ETNK1: variants seen among roughly 807,000 people sequenced by gnomAD.
The protein encoded by ETNK1 is ethanolamine kinase 1.
Under a neutral mutation model 45.1 loss-of-function variants are expected in ETNK1, and 8 were observed. That is an observed-to-expected ratio of 0.18 (90% confidence interval 0.10 to 0.32). The LOEUF (loss-of-function observed/expected upper bound fraction) is 0.32, where lower values mean the gene tolerates loss of function less well. Ranked by LOEUF, ETNK1 falls within the 10% of genes least tolerant of loss-of-function variation. ETNK1 has a pLI of 1.00. For missense variants in ETNK1, 302 were observed against 430.6 expected (o/e 0.70, Z 2.64); for synonymous variants, 152 against 151.9 (o/e 1.00, Z -0.01).
chr12:22,651,798 G>A (rs1953879816), intron 2 of ETNK1, among the ~76,000 whole-genome samples: 1 of 149,474 alleles, frequency 6.7e-6, no homozygotes, highest in African/African-American at 2.5e-5. Context: ...TGATTCTCCT[G>A]CATCAGCCTC....
rs1026445075 is a variant in ETNK1 at position 22,689,912 on chromosome 12, T to G, written c.*4958T>G. 9.8e-5 allele frequency: 15 copies of G among 152,494 alleles called. No individual in the cohort carries two copies. The highest frequency in any genetic ancestry group is 3.4e-4 in the African/African-American group (14 of 41,568). 9.4% of individuals were successfully genotyped at this position (152,494 alleles called of 1,614,324 possible). On this transcript the variant is annotated 3_prime_UTR_variant, in exon 8 of 8. Transcript: ENST00000266517. ...AGGAAACTTTTTGACTGTACTGTAT[T>G]TAGGAGCCTTTGTACAGCTTGGTCA... is the stretch of plus-strand genomic sequence containing the variant.
chr12:22,672,951 T>C (rs1052884037), intron 5 of ETNK1, among the ~76,000 whole-genome samples: 2 of 152,104 alleles, frequency 1.3e-5, no homozygotes, highest in African/African-American at 4.8e-5. Flanking sequence ...AGTTGGAAAA[T>C]GTTGTTGGGA....
At chr12:22,652,360 G>C (rs184544969) in intron 2 of ETNK1, among the ~76,000 whole-genome samples, 1 of 152,198 alleles carries the variant, frequency 6.6e-6, no homozygotes, top group East Asian at 1.9e-4. Context: ...CAGTTCTTTC[G>C]GGTGAATGCC....
intron 1 of ETNK1, among the ~76,000 whole-genome samples, 178 bp from the exon 2 acceptor site, chr12:22,643,585 T>C (rs1220639299): frequency 6.6e-6 from 1 of 152,034 alleles, no homozygotes; most frequent in East Asian, 1.9e-4. Context: ...TCTCTTTGTT[T>C]AAATATAGAA....
At chr12:22,670,247 A>C (rs1389243700) in intron 4 of ETNK1, among the ~76,000 whole-genome samples, 1 of 152,198 alleles carries the variant, frequency 6.6e-6, no homozygotes, top group Non-Finnish European at 1.5e-5. Context: ...CAGTGTAACT[A>C]TGCAGGTGTT....
intron 1 of ETNK1, among the ~76,000 whole-genome samples, chr12:22,636,535 T>G (rs2137523866): frequency 6.6e-6 from 1 of 152,322 alleles, no homozygotes; most frequent in African/African-American, 2.4e-5. Flanking sequence ...AATATTTCAT[T>G]AAGGTCTATT....
chr12:22,641,576 C>T (rs949260916), intron 1 of ETNK1, among the ~76,000 whole-genome samples: 9 of 152,088 alleles, frequency 5.9e-5, no homozygotes, highest in Non-Finnish European at 2.9e-5. Flanking sequence ...AGTGCCAGGC[C>T]GTTGTTTTGC....
rs150585672 is a variant in ETNK1, at chr12:22,643,805, G to A, written c.199G>A (p.Val67Met). Residue 67 changes from valine to methionine, a missense_variant, in exon 2 of 8, where the codon GTG becomes ATG. Physicochemically the swap from Val to Met is conservative, Grantham distance 21. Coordinates refer to ENST00000266517, the MANE Select transcript of ETNK1 (RefSeq NM_018638.5). The part of the protein sequence containing the change: ...GITNKLIGCY[V>M]GNTMEDVVLV... ...CACAAATAAACTTATTGGCTGTTAC[G>A]TGGGAAACACCATGGAGGATGTAGT... The A allele has an allele frequency of 4.0e-4, 639 of 1,612,878 alleles. 5 individuals are homozygous for A. The East Asian group carries it at 0.014, about 35-fold the overall frequency.
chr12:22,676,955 G>T lies in ETNK1; in HGVS notation c.945+3295G>T, dbSNP rs139156849. Among the ~76,000 whole-genome samples, 1,480 of 152,068 alleles carry T rather than the reference G, an allele frequency of 9.7e-3. 5 individuals carry two copies. Among genetic ancestry groups the T allele is most frequent in the Admixed American group, 0.015 (236 of 15,274 alleles). ...TGCAAAAATTTTCTCCCATTCTGTG[G>T]GTTGCCTGTTCACTCTGACGATAGT... is the stretch of plus-strand genomic sequence containing the variant. On this transcript the variant is annotated intron_variant, in intron 6 of 7. Transcript: ENST00000266517.
chr12:22,638,645 G>C (rs938586800), intron 1 of ETNK1: 1 of 152,072 alleles, frequency 6.6e-6, no homozygotes, highest in Non-Finnish European at 1.5e-5. Flanking sequence ...TTCTCTAATA[G>C]AGGCTCTAGG....
At chr12:22,646,528 G>A (rs529969526) in intron 2 of ETNK1, among the ~76,000 whole-genome samples, 7 of 151,754 alleles carry the variant, frequency 4.6e-5, no homozygotes, top group African/African-American at 7.2e-5. Flanking sequence ...ACAATTTGGG[G>A]TTAGTTGTCA....
chr12:22,640,943 A>G (rs1461028502), intron 1 of ETNK1, among the ~76,000 whole-genome samples: 2 of 152,184 alleles, frequency 1.3e-5, no homozygotes, highest in Non-Finnish European at 2.9e-5. Flanking sequence ...TTTCTAGTAT[A>G]TATTTAATAT....
intron 2 of ETNK1, chr12:22,656,283 A>G: frequency 2.8e-6 from 1 of 360,756 alleles, no homozygotes; most frequent in Non-Finnish European, 3.9e-6. Flanking sequence ...GAATGACCAT[A>G]TTGCAGCATG....
At chr12:22,667,888 T>G (rs766389859) in intron 4 of ETNK1, among the ~76,000 whole-genome samples, 8 of 152,166 alleles carry the variant, frequency 5.3e-5, no homozygotes, top group Non-Finnish European at 1.0e-4. Flanking sequence ...TATACTAAGA[T>G]TTGAACAGTT....
chr12:22,661,677 T>C (rs1020657579), intron 4 of ETNK1, among the ~76,000 whole-genome samples: 4 of 152,180 alleles, frequency 2.6e-5, no homozygotes, highest in Admixed American at 2.6e-4. Flanking sequence ...TTATTGTTGA[T>C]TTGTTAGATA....
At position 22,639,311 on chromosome 12, in the gene ETNK1, G is replaced by T. The variant is rs142830393; in HGVS notation, c.157-4452G>T. Among the ~76,000 whole-genome samples the T allele has an allele frequency of 3.6e-3, 554 of 152,092 alleles. 5 individuals carry two copies. The highest frequency in any genetic ancestry group is 0.021 in the Admixed American group (327 of 15,254). Reference sequence around the variant, plus strand: ...CAAGTGATCCTCCTGGCTCCCAAAGGGTTGGGATTATAGGCATGAGCCACC... The same window carrying T: ...CAAGTGATCCTCCTGGCTCCCAAAGTGTTGGGATTATAGGCATGAGCCACC... On this transcript the variant is annotated intron_variant, in intron 1 of 7. Coordinates refer to ENST00000266517, the MANE Select transcript of ETNK1 (RefSeq NM_018638.5).
At chr12:22,638,255 G>T (rs1218492982) in intron 1 of ETNK1, among the ~76,000 whole-genome samples, 30 of 142,936 alleles carry the variant, frequency 2.1e-4, no homozygotes, top group East Asian at 1.2e-3. Context: ...TTAAGGTGGG[G>T]TTTTTTTTTT....
chr12:22,650,527 G>A (rs1029439032), intron 2 of ETNK1, among the ~76,000 whole-genome samples: 8 of 151,758 alleles, frequency 5.3e-5, no homozygotes, highest in African/African-American at 1.5e-4. Flanking sequence ...TGCACATGTC[G>A]ATAGGTTCAT....
chr12:22,625,670 A>T lies in ETNK1; in HGVS notation c.156+84A>T, dbSNP rs538574911. 2.7e-6 allele frequency: 4 copies of T among 1,505,228 alleles called. 1 individual carries two copies. In the South Asian group the frequency reaches 4.9e-5, roughly 18 times the overall value. The allele number at this position is 1,505,228 out of a possible 1,614,324, so 93.2% of individuals were successfully genotyped here. A position where few individuals can be genotyped will look rare whatever the true frequency, so the allele number is the denominator to read the frequency against. ...TCACCACAATCGCCTCTGTCCCACG[A>T]TGACCGAGGAGGACCTAGGGCAACA... On this transcript the variant is annotated intron_variant, in intron 1 of 7. Coordinates refer to ENST00000266517, the MANE Select transcript of ETNK1 (RefSeq NM_018638.5).
Sources: gnomAD v4.1 joint callset for allele counts (sites outside exome capture counted in the v4.1 genomes callset) on GRCh38, gnomAD v4.1.1 for gene constraint, MANE v1.5 for transcripts, NCBI Gene and HGNC (gene_info 2026-07-23, HGNC 2026-07-21) for gene names.